The following HOMER1 variants were observed in gnomAD, a reference collection of about 807,000 sequenced individuals.
HOMER1 encodes homer scaffold protein 1, also known as homer protein homolog 1.
HOMER1 carries 3 observed loss-of-function variants against 48.9 expected under a neutral mutation model. The ratio of observed to expected loss-of-function variants is 0.06; its 90% confidence interval spans 0.03 to 0.16. HOMER1 has a LOEUF of 0.16. Among genes scored for constraint, HOMER1 ranks in the 10% least tolerant of loss-of-function variants. HOMER1 has a pLI of 1.00. For missense variants in HOMER1, 247 were observed against 411.4 expected (o/e 0.60, Z 3.46); for synonymous variants, 134 against 146.4 (o/e 0.92, Z 0.61).
intron 1 of HOMER1, among the ~76,000 whole-genome samples, chr5:79,478,337 T>A (rs2112337049): frequency 6.6e-6 from 1 of 152,292 alleles, no homozygotes; most frequent in Middle Eastern, 3.4e-3. Context: ...AAACTTAAAT[T>A]GGCCAATGAA....
intron 1 of HOMER1, among the ~76,000 whole-genome samples, chr5:79,512,069 C>G (rs1055734676): frequency 6.6e-6 from 1 of 152,184 alleles, no homozygotes; most frequent in Non-Finnish European, 1.5e-5. Context: ...TCAGTTGGCT[C>G]TGGGTCCGAA....
At chr5:79,509,838 T>C (rs1752885584) in intron 1 of HOMER1, among the ~76,000 whole-genome samples, 1 of 152,158 alleles carries the variant, frequency 6.6e-6, no homozygotes, top group African/African-American at 2.4e-5. Flanking sequence ...TTATCTACAA[T>C]TAAGACGAAG....
intron 4 of HOMER1, 43 bp from the exon 5 acceptor site, chr5:79,439,192 G>A (rs767225113): frequency 5.0e-6 from 8 of 1,601,492 alleles, no homozygotes; most frequent in African/African-American, 1.3e-5. Context: ...TTACACTTTT[G>A]TTAAAGTACA....
intron 5 of HOMER1, among the ~76,000 whole-genome samples, chr5:79,438,572 C>T (rs186664547): frequency 6.6e-6 from 1 of 152,122 alleles, no homozygotes; most frequent in Admixed American, 6.5e-5. Flanking sequence ...ATCTCAAAGA[C>T]TATGATAAAG....
chr5:79,418,709 A>G (rs1426047499), intron 5 of HOMER1, among the ~76,000 whole-genome samples: 10 of 152,238 alleles, frequency 6.6e-5, no homozygotes, highest in Non-Finnish European at 4.4e-5. Flanking sequence ...CAGATGCTGT[A>G]ATGGATGGGT....
At chr5:79,475,580 C>A (rs995815328) in intron 1 of HOMER1, among the ~76,000 whole-genome samples, 1 of 152,062 alleles carries the variant, frequency 6.6e-6, no homozygotes, top group African/African-American at 2.4e-5. Flanking sequence ...TAAAATCTAG[C>A]CAATGTCTAA....
chr5:79,400,081 AT>A (rs1388091584), intron 6 of HOMER1, among the ~76,000 whole-genome samples: 1 of 12,578 alleles, frequency 8.0e-5, no homozygotes, highest in Non-Finnish European at 4.2e-4. Flanking sequence ...GACAATTGTC[AT>A]AAATTTTTTT....
At chr5:79,479,802 T>C (rs1277152291) in intron 1 of HOMER1, among the ~76,000 whole-genome samples, 3 of 149,644 alleles carry the variant, frequency 2.0e-5, no homozygotes, top group Non-Finnish European at 4.4e-5. Context: ...CCTAAAATTA[T>C]TCTAAATTCT....
At chr5:79,437,738 G>T (rs1361303543) in intron 5 of HOMER1, among the ~76,000 whole-genome samples, 1 of 152,094 alleles carries the variant, frequency 6.6e-6, no homozygotes, top group Non-Finnish European at 1.5e-5. Flanking sequence ...CTGCAGCCTT[G>T]GATTCCCAGG....
intron 1 of HOMER1, among the ~76,000 whole-genome samples, chr5:79,479,422 A>G (rs574226930): frequency 6.6e-6 from 1 of 152,282 alleles, no homozygotes; most frequent in Non-Finnish European, 1.5e-5. Context: ...CTATCCTCAC[A>G]AGAGGGATGC....
At chr5:79,487,288 G>C (rs1005801552) in intron 1 of HOMER1, among the ~76,000 whole-genome samples, 1 of 152,006 alleles carries the variant, frequency 6.6e-6, no homozygotes, top group Non-Finnish European at 1.5e-5. Flanking sequence ...AAAAAAGAAA[G>C]AAAGAAGGAA....
At chr5:79,401,658 C>A (rs1749539343) in intron 6 of HOMER1, among the ~76,000 whole-genome samples, 1 of 152,084 alleles carries the variant, frequency 6.6e-6, no homozygotes, top group South Asian at 2.1e-4. Flanking sequence ...ACTGCTAGTC[C>A]CCATGGATAA....
intron 4 of HOMER1, among the ~76,000 whole-genome samples, chr5:79,445,866 A>G (rs894639746): frequency 6.6e-5 from 10 of 152,232 alleles, no homozygotes; most frequent in African/African-American, 2.4e-4. Flanking sequence ...GCGACCCGAG[A>G]TTGTGCCACT....
chr5:79,408,499 TATG>T (rs1483607027), intron 5 of HOMER1, among the ~76,000 whole-genome samples: 1 of 152,044 alleles, frequency 6.6e-6, no homozygotes, highest in Non-Finnish European at 1.5e-5. Flanking sequence ...GGTCCAAAGG[TATG>T]ATAATACGAA....
At chr5:79,384,390 TG>T (rs1450309651) in intron 8 of HOMER1, among the ~76,000 whole-genome samples, 10 of 151,992 alleles carry the variant, frequency 6.6e-5, no homozygotes, top group South Asian at 2.1e-4. Context: ...ATGAACAAAC[TG>T]GAAAACCTGG....
intron 8 of HOMER1, among the ~76,000 whole-genome samples, chr5:79,389,333 C>A (rs1749191246): frequency 6.6e-6 from 1 of 152,048 alleles, no homozygotes; most frequent in Non-Finnish European, 1.5e-5. Context: ...CTTTTGCAAC[C>A]ATCCACAAGA....
At chr5:79,471,311 C>T (rs985167578) in intron 1 of HOMER1, among the ~76,000 whole-genome samples, 12 of 151,850 alleles carry the variant, frequency 7.9e-5, no homozygotes, top group East Asian at 1.9e-4. Context: ...TTTGGGAGGC[C>T]GAGGCAGGCG....
chr5:79,481,058 T>A (rs1352364077), intron 1 of HOMER1, among the ~76,000 whole-genome samples: 1 of 152,242 alleles, frequency 6.6e-6, no homozygotes, highest in East Asian at 1.9e-4. Context: ...TACAGATCTA[T>A]CTAAAACACA....
At chr5:79,382,486 T>C (rs1053597330) in intron 8 of HOMER1, among the ~76,000 whole-genome samples, 6 of 152,156 alleles carry the variant, frequency 3.9e-5, no homozygotes, top group African/African-American at 1.4e-4. Flanking sequence ...CAGGAAAGAA[T>C]GGGGTGATAT....
Sources: allele counts gnomAD v4.1 joint callset (sites outside exome capture counted in the v4.1 genomes callset), GRCh38; gene constraint gnomAD v4.1.1; transcripts MANE v1.5; gene names NCBI Gene and HGNC (gene_info 2026-07-23, HGNC 2026-07-21).